The following FRMD5 variants were observed in gnomAD, a reference collection of about 807,000 sequenced individuals.
The protein encoded by FRMD5 is FERM domain containing 5, also known as FERM domain-containing protein 5.
FRMD5 carries 20 observed loss-of-function variants against 69.0 expected under a neutral mutation model. The observed-to-expected ratio is 0.29, with a 90% CI of 0.20 to 0.42. The LOEUF (loss-of-function observed/expected upper bound fraction) is 0.42, where lower values mean the gene tolerates loss of function less well. FRMD5 is among the 10% of genes least tolerant of loss of function. The probability of loss-of-function intolerance (pLI) is 1.00; values close to 1 mark genes in which losing one functional copy is unlikely to be tolerated. For missense variants in FRMD5, 595 were observed against 708.6 expected (o/e 0.84, Z 1.82); for synonymous variants, 271 against 260.1 (o/e 1.04, Z -0.40).
intron 1 of FRMD5, among the ~76,000 whole-genome samples, chr15:44,155,973 G>C (rs2077521838): frequency 6.6e-6 from 1 of 151,966 alleles, no homozygotes; most frequent in Admixed American, 6.6e-5. Flanking sequence ...AAGTTCTCCA[G>C]AGGAAAGCAG....
intron 1 of FRMD5, among the ~76,000 whole-genome samples, chr15:44,163,769 G>A (rs1417688222): frequency 1.3e-5 from 2 of 152,166 alleles, no homozygotes; most frequent in Non-Finnish European, 2.9e-5. Flanking sequence ...CAGGGTCTCA[G>A]GAAAAGGTAA....
At chr15:43,970,859 A>T (rs751448817) in intron 1 of FRMD5, among the ~76,000 whole-genome samples, 1 of 152,198 alleles carries the variant, frequency 6.6e-6, no homozygotes, top group Non-Finnish European at 1.5e-5. Context: ...AGCATATTAT[A>T]GTAATATGAT....
chr15:44,056,855 G>A (rs1485773560), intron 1 of FRMD5, among the ~76,000 whole-genome samples: 1 of 152,078 alleles, frequency 6.6e-6, no homozygotes. Context: ...CATCATCCCT[G>A]AGGACAACCA....
chr15:43,882,932 A>C (rs937846037), intron 13 of FRMD5, among the ~76,000 whole-genome samples: 4 of 151,212 alleles, frequency 2.6e-5, no homozygotes. Context: ...CAGCCTCCCT[A>C]GTAGCTGGGA....
At chr15:44,086,527 C>A (rs762047280) in intron 1 of FRMD5, among the ~76,000 whole-genome samples, 1 of 152,064 alleles carries the variant, frequency 6.6e-6, no homozygotes, top group Admixed American at 6.6e-5. Context: ...AGACAGAAAG[C>A]AGATTAGTGG....
chr15:44,024,032 C>T (rs369157332), intron 1 of FRMD5, among the ~76,000 whole-genome samples: 7 of 152,114 alleles, frequency 4.6e-5, no homozygotes, highest in African/African-American at 1.7e-4. Context: ...TAAATTGTGA[C>T]TGCTATTACC....
chr15:44,132,557 T>C (rs779766557), intron 1 of FRMD5, among the ~76,000 whole-genome samples: 4 of 151,986 alleles, frequency 2.6e-5, no homozygotes, highest in African/African-American at 7.2e-5. Flanking sequence ...GCCTCCCAAG[T>C]AGTTGGGACT....
intron 1 of FRMD5, among the ~76,000 whole-genome samples, chr15:44,043,936 A>C (rs1892317564): frequency 6.6e-6 from 1 of 152,218 alleles, no homozygotes; most frequent in Admixed American, 6.5e-5. Flanking sequence ...GGATCTAATT[A>C]AACTAAAGAG....
chr15:43,953,086 A>T (rs1401604034), intron 1 of FRMD5, among the ~76,000 whole-genome samples: 1 of 152,194 alleles, frequency 6.6e-6, no homozygotes, highest in African/African-American at 2.4e-5. Context: ...ATTCCGCTTT[A>T]GATGTGATAG....
intron 1 of FRMD5, among the ~76,000 whole-genome samples, chr15:44,190,078 G>C (rs1228303256): frequency 6.6e-6 from 1 of 152,146 alleles, no homozygotes; most frequent in Admixed American, 6.5e-5. Flanking sequence ...TCCTTCCTGG[G>C]CACTACAGAA....
intron 13 of FRMD5, among the ~76,000 whole-genome samples, chr15:43,877,290 T>A (rs575823260): frequency 0.017 from 2,624 of 152,272 alleles, 69 homozygotes; most frequent in African/African-American, 0.06. Flanking sequence ...TCAGGTTGAT[T>A]AGGGAGTTTT....
At chr15:43,976,857 A>T (rs1304963668) in intron 1 of FRMD5, among the ~76,000 whole-genome samples, 1 of 150,396 alleles carries the variant, frequency 6.6e-6, no homozygotes, top group Non-Finnish European at 1.5e-5. Context: ...TTTGAGACAG[A>T]ATCTTGCTCT....
intron 1 of FRMD5, among the ~76,000 whole-genome samples, chr15:43,962,966 T>C (rs907003525): frequency 1.3e-5 from 2 of 152,202 alleles, no homozygotes; most frequent in African/African-American, 4.8e-5. Context: ...GAAGAAAACG[T>C]AGGCAATACC....
At chr15:44,173,758 C>G (rs1595555494) in intron 1 of FRMD5, among the ~76,000 whole-genome samples, 1 of 152,148 alleles carries the variant, frequency 6.6e-6, no homozygotes. Context: ...AAGCGATCCT[C>G]CCATCTCGGC....
At chr15:43,896,252 C>G (rs950420280) in intron 7 of FRMD5, among the ~76,000 whole-genome samples, 1 of 152,236 alleles carries the variant, frequency 6.6e-6, no homozygotes, top group East Asian at 1.9e-4. Flanking sequence ...AATTTCTCAT[C>G]CTTGTGAAAA....
intron 1 of FRMD5, among the ~76,000 whole-genome samples, chr15:44,070,326 A>G (rs978388051): frequency 3.3e-5 from 5 of 152,110 alleles, no homozygotes; most frequent in African/African-American, 1.2e-4. Flanking sequence ...AAAATAAGAA[A>G]AAAAAAAAAG....
chr15:44,195,374 A>C, upstream of FRMD5: 1 of 400,886 alleles, frequency 2.5e-6, no homozygotes, highest in Non-Finnish European at 4.5e-6. Context: ...GCAGACCGAA[A>C]AGCCAATCGA....
intron 1 of FRMD5, among the ~76,000 whole-genome samples, chr15:44,061,847 C>G (rs1006681056): frequency 1.3e-5 from 2 of 152,180 alleles, no homozygotes; most frequent in Non-Finnish European, 2.9e-5. Context: ...CTTTCCCCCA[C>G]CATTTTCTGA....
At chr15:43,986,707 A>G (rs1323798173) in intron 1 of FRMD5, among the ~76,000 whole-genome samples, 1 of 99,086 alleles carries the variant, frequency 1.0e-5, no homozygotes, top group African/African-American at 3.4e-5. Context: ...AGTACTGTTA[A>G]AGTACTTGGG....
Sources: allele counts gnomAD v4.1 joint callset (sites outside exome capture counted in the v4.1 genomes callset), GRCh38; gene constraint gnomAD v4.1.1; transcripts MANE v1.5; gene names NCBI Gene and HGNC (gene_info 2026-07-23, HGNC 2026-07-21).